MOB3A: variants seen among roughly 807,000 people sequenced by gnomAD.
The protein encoded by MOB3A is MOB kinase activator 3A.
In MOB3A, 17 loss-of-function variants were observed where a neutral mutation model predicts 17.8. That is an observed-to-expected ratio of 0.95 (90% confidence interval 0.65 to 1.43). The LOEUF (loss-of-function observed/expected upper bound fraction) is 1.43. Among genes scored for constraint, MOB3A ranks in the 40% most tolerant of loss-of-function variants. The pLI is 0.00. For missense variants in MOB3A, 333 were observed against 310.8 expected, an observed-to-expected ratio of 1.07 and a Z score of -0.54; for synonymous variants, 124 against 133.2, an observed-to-expected ratio of 0.93 and a Z score of 0.48.
At chr19:2,073,465 C>T in intron 4 of MOB3A, 41 bp from the exon 5 acceptor site, 1 of 1,613,550 alleles carries the variant, frequency 6.2e-7, no homozygotes, top group Non-Finnish European at 8.5e-7. Flanking sequence ...ACCAGCCACT[C>T]CTAAAAGGGG....
intron 2 of MOB3A, among the ~76,000 whole-genome samples, 194 bp from the exon 3 acceptor site, chr19:2,078,873 C>T (rs913517992): frequency 6.6e-6 from 1 of 152,214 alleles, no homozygotes; most frequent in African/African-American, 2.4e-5. Flanking sequence ...ATCCTCTCAA[C>T]TTAGCCTCCT....
Position 2,078,398 on chromosome 19 carries a change from C to T in MOB3A, c.163G>A (p.Glu55Lys), listed in dbSNP as rs201880293. The change falls in exon 3 of 5, where the codon GAG becomes AAG. Residue 55 changes from glutamate (E) to lysine (K), a missense_variant. Coordinates refer to ENST00000357066, the MANE Select transcript of MOB3A (RefSeq NM_130807.3). Reference sequence around the variant, plus strand: ...ACAGCCACCCAGTCGTTCAGGTCCTCGCCCGGGGGCAACTGCACGGCCAGC... The same window carrying T: ...ACAGCCACCCAGTCGTTCAGGTCCTTGCCCGGGGGCAACTGCACGGCCAGC... Reference protein sequence around the residue: ...LRLAVQLPPGEDLNDWVAVHV... With the variant: ...LRLAVQLPPGKDLNDWVAVHV... 59 of 1,614,028 alleles carry T rather than the reference C, an allele frequency of 3.7e-5. No individual in the cohort carries two copies. In the Middle Eastern group the frequency reaches 4.9e-4, roughly 13 times the overall value.
intron 2 of MOB3A, among the ~76,000 whole-genome samples, chr19:2,080,022 ACCGCGCGTGTG>A (rs1427543949): frequency 1.4e-4 from 22 of 152,168 alleles, no homozygotes; most frequent in African/African-American, 5.3e-4. Context: ...TGGATCACAC[ACCGCGCGTGTG>A]CCGGGCTCAC....
At chr19:2,077,849 T>C (rs1240884775) in intron 3 of MOB3A, among the ~76,000 whole-genome samples, 1 of 151,624 alleles carries the variant, frequency 6.6e-6, no homozygotes, top group African/African-American at 2.4e-5. Flanking sequence ...AGTGGCACGA[T>C]CATAGTTTAC....
chr19:2,075,581 T>C (rs1332437688), intron 4 of MOB3A, among the ~76,000 whole-genome samples: 1 of 152,156 alleles, frequency 6.6e-6, no homozygotes, highest in Non-Finnish European at 1.5e-5. Context: ...CCCAGCAGCC[T>C]GGGGAACAAT....
At position 2,072,781 on chromosome 19, in the gene MOB3A, T is replaced by C. The variant is rs77496865; in HGVS notation, c.*614A>G. The C allele has an allele frequency of 5.5e-3, 821 of 150,500 alleles. 4 individuals carry two copies. Among genetic ancestry groups the C allele is most frequent in the African/African-American group, 0.019 (789 of 41,034 alleles). The allele number at this position is 150,500 out of a possible 1,614,324, so 9.3% of individuals were successfully genotyped here. ...AAAATCTGTAGAAAAATGGAAGAGA[T>C]TGGGGAGGGAGGAAAGAGGCTGCCT... On this transcript the variant is annotated 3_prime_UTR_variant, in exon 5 of 5. Coordinates refer to ENST00000357066, the MANE Select transcript of MOB3A (RefSeq NM_130807.3).
intron 2 of MOB3A, among the ~76,000 whole-genome samples, chr19:2,079,705 T>C (rs912032158): frequency 2.0e-5 from 3 of 152,226 alleles, no homozygotes; most frequent in Admixed American, 1.3e-4. Context: ...CCCAAGTCAC[T>C]GGTCACTGGG....
At chr19:2,079,777 C>T (rs1405248794) in intron 2 of MOB3A, among the ~76,000 whole-genome samples, 1 of 152,224 alleles carries the variant, frequency 6.6e-6, no homozygotes, top group Non-Finnish European at 1.5e-5. Flanking sequence ...GACCCCCTTC[C>T]AGGTCGGGTC....
chr19:2,076,161 G>T (rs1300503591), intron 4 of MOB3A, among the ~76,000 whole-genome samples: 1 of 150,026 alleles, frequency 6.7e-6, no homozygotes, highest in Non-Finnish European at 1.5e-5. Context: ...AGGCACAGTG[G>T]CTCCCGCCTG....
chr19:2,077,012 G>A lies in MOB3A; in HGVS notation c.423C>T (p.Gly141=). The part of the protein sequence containing the change: ...NNEDLFPTNV[G]TPFPKNFLQT... ...GCAGGAAGTTCTTGGGAAACGGAGT[G>A]CCTGCAGGGAGAGGGGTGGGACGGG... is the stretch of plus-strand genomic sequence containing the variant. Residue 141 remains glycine (G), a splice_region_variant and synonymous_variant, in exon 4 of 5, where the codon GGC becomes GGT. Transcript: ENST00000357066. 1 of 1,612,468 alleles carries A rather than the reference G, an allele frequency of 6.2e-7. No individual in the cohort carries two copies. Among genetic ancestry groups the A allele is most frequent in the Non-Finnish European group, 8.5e-7 (1 of 1,179,552 alleles).
At chr19:2,094,941 C>T (rs2017656040) in intron 1 of MOB3A, among the ~76,000 whole-genome samples, 1 of 152,204 alleles carries the variant, frequency 6.6e-6, no homozygotes, top group African/African-American at 2.4e-5. Context: ...GAGGCCGAGG[C>T]GGGCGGATCA....
intron 1 of MOB3A, among the ~76,000 whole-genome samples, chr19:2,086,348 T>A (rs2017553836): frequency 1.3e-5 from 2 of 148,728 alleles, no homozygotes; most frequent in South Asian, 4.2e-4. Context: ...CCTCTGAGTG[T>A]TTATTTTTAC....
chr19:2,081,045 C>A (rs556947005), intron 2 of MOB3A, among the ~76,000 whole-genome samples: 24 of 152,036 alleles, frequency 1.6e-4, no homozygotes, highest in Non-Finnish European at 2.9e-4. Context: ...GGTGGGAGGA[C>A]TGTTTGAGCC....
chr19:2,078,414 C>T lies in MOB3A; in HGVS notation c.147G>A (p.Val49=), dbSNP rs1217262447. Residue 49 remains valine, a synonymous_variant, in exon 3 of 5, where the codon GTG becomes GTA. Coordinates refer to ENST00000357066, the MANE Select transcript of MOB3A (RefSeq NM_130807.3). ...TCAGGTCCTCGCCCGGGGGCAACTG[C>T]ACGGCCAGCCGCAGGTCCAGCCCGG... is the stretch of plus-strand genomic sequence containing the variant. ...LNAGLDLRLA[V]QLPPGEDLND... is the part of the protein sequence containing the mutation. 1 of 1,613,968 alleles carries T rather than the reference C, an allele frequency of 6.2e-7. No individual in the cohort carries two copies. The highest frequency in any genetic ancestry group is 8.5e-7 in the Non-Finnish European group (1 of 1,179,936).
At chr19:2,086,382 G>A (rs1322085003) in intron 1 of MOB3A, among the ~76,000 whole-genome samples, 1 of 148,096 alleles carries the variant, frequency 6.8e-6, no homozygotes, top group African/African-American at 2.5e-5. Context: ...TTTTTTTGAG[G>A]TGAAGTGTTG....
intron 1 of MOB3A, among the ~76,000 whole-genome samples, chr19:2,086,280 TCTGC>T (rs1329407274): frequency 1.4e-4 from 22 of 152,102 alleles, no homozygotes; most frequent in African/African-American, 5.3e-4. Flanking sequence ...CCTCAAGTGA[TCTGC>T]CCACCTCGGC....
At chr19:2,080,384 CT>C (rs999386893) in intron 2 of MOB3A, among the ~76,000 whole-genome samples, 66 of 146,598 alleles carry the variant, frequency 4.5e-4, no homozygotes, top group African/African-American at 8.9e-4. Context: ...ACCCCCACCT[CT>C]TTTTTTTTTT....
At position 2,078,502 on chromosome 19, in the gene MOB3A, C is replaced by T. The variant is rs774690228; in HGVS notation, c.59G>A (p.Arg20His). The T allele has an allele frequency of 5.6e-6, 9 of 1,605,236 alleles. No homozygotes were observed. Among genetic ancestry groups the T allele is most frequent in the African/African-American group, 4.0e-5 (3 of 74,688 alleles). ...FNKDKTFRPKRKFEPGTQRFE... is the reference protein window; with the variant it reads ...FNKDKTFRPKHKFEPGTQRFE... ...GCGCTGGGTGCCTGGCTCAAACTTGCGCTTGGGGCGGAATGTCTTGTCCTT... is the reference window on the plus strand; with the variant it reads ...GCGCTGGGTGCCTGGCTCAAACTTGTGCTTGGGGCGGAATGTCTTGTCCTT... The change falls in exon 3 of 5, where the codon CGC (arginine) becomes CAC (histidine). Residue 20 changes from arginine to histidine, a missense_variant. Arg to His is a conservative substitution (Grantham distance 29). Transcript: ENST00000357066.
At position 2,073,289 on chromosome 19, in the gene MOB3A, T is replaced by G; in HGVS notation, c.*106A>C. 89 of 1,462,206 alleles carry G rather than the reference T, an allele frequency of 6.1e-5. No individual in the cohort carries two copies. Among genetic ancestry groups the G allele is most frequent in the Non-Finnish European group, 7.8e-5 (82 of 1,054,338 alleles). The allele number at this position is 1,462,206 out of a possible 1,614,324, so 90.6% of individuals were successfully genotyped here. A position where few individuals can be genotyped will look rare whatever the true frequency, so the allele number is the denominator to read the frequency against. ...TCAGCGGCTCGGCCCCTGGTCTCCC[T>G]GAGATGCTCAGGCCGGAGAGAAGCG... On this transcript the variant is annotated 3_prime_UTR_variant, in exon 5 of 5. Transcript: ENST00000357066.
Sources: gnomAD v4.1 joint callset for allele counts (sites outside exome capture counted in the v4.1 genomes callset) on GRCh38, gnomAD v4.1.1 for gene constraint, MANE v1.5 for transcripts, NCBI Gene and HGNC (gene_info 2026-07-23, HGNC 2026-07-21) for gene names.